The following MAF variants were observed in gnomAD, a reference collection of about 807,000 sequenced individuals.
MAF encodes the protein transcription factor Maf.
MAF carries 10 observed loss-of-function variants against 22.0 expected under a neutral mutation model. The ratio of observed to expected loss-of-function variants is 0.45; its 90% CI spans 0.28 to 0.77. The LOEUF is 0.77. Among genes scored for constraint, MAF ranks in the 30% least tolerant of loss-of-function variants. The pLI is 0.12. For missense variants in MAF, 544 were observed against 548.4 expected (o/e 0.99, Z 0.08); for synonymous variants, 337 against 255.8 (o/e 1.32, Z -3.03).
At chr16:79,280,130 T>G in the MAF span, among the ~76,000 whole-genome samples, 2 of 152,130 alleles carry the variant, frequency 1.3e-5, no homozygotes, top group African/African-American at 2.4e-5. Context: ...GATTTTCAGC[T>G]CTCTTTAAGA....
chr16:79,548,776 T>C, the MAF span, among the ~76,000 whole-genome samples: 2 of 152,088 alleles, frequency 1.3e-5, no homozygotes, highest in Non-Finnish European at 2.9e-5. Context: ...GGCAAGACAC[T>C]ACATAGAAAA....
chr16:79,403,228 C>T, the MAF span, among the ~76,000 whole-genome samples: 1 of 152,146 alleles, frequency 6.6e-6, no homozygotes, highest in African/African-American at 2.4e-5. Context: ...AAATGTATGC[C>T]CATCAAAAGC....
At chr16:79,218,238 TC>T in the MAF span, among the ~76,000 whole-genome samples, 1 of 137,678 alleles carries the variant, frequency 7.3e-6, no homozygotes, top group African/African-American at 2.6e-5. Flanking sequence ...TTTTTTCCCT[TC>T]CCCCCTCAAA....
At chr16:79,403,183 C>T in the MAF span, among the ~76,000 whole-genome samples, 1 of 152,316 alleles carries the variant, frequency 6.6e-6, no homozygotes, top group East Asian at 1.9e-4. Context: ...TCGTTCAATG[C>T]ACCAGACTTT....
chr16:79,306,196 T>G, the MAF span, among the ~76,000 whole-genome samples: 2 of 152,210 alleles, frequency 1.3e-5, no homozygotes, highest in African/African-American at 2.4e-5. Context: ...GGCTATCAGA[T>G]GCAGGACTGC....
the MAF span, among the ~76,000 whole-genome samples, chr16:79,442,952 C>G: frequency 6.6e-6 from 1 of 152,198 alleles, no homozygotes; most frequent in Middle Eastern, 3.4e-3. Context: ...GGTACACCAG[C>G]CAGAAATAAG....
At chr16:79,446,554 A>G in the MAF span, among the ~76,000 whole-genome samples, 30 of 152,292 alleles carry the variant, frequency 2.0e-4, no homozygotes, top group East Asian at 5.2e-3. Flanking sequence ...ATGCTTTACA[A>G]AAGCTAAAGC....
chr16:79,313,198 A>C, the MAF span, among the ~76,000 whole-genome samples: 18 of 152,200 alleles, frequency 1.2e-4, no homozygotes, highest in Non-Finnish European at 2.1e-4. Context: ...GGCACTGGGC[A>C]AGGGCTCAGT....
At chr16:79,552,792 G>A in the MAF span, among the ~76,000 whole-genome samples, 2 of 152,100 alleles carry the variant, frequency 1.3e-5, no homozygotes, top group African/African-American at 4.8e-5. Context: ...TTGTGGTTAT[G>A]TTCACAGTAC....
the MAF span, among the ~76,000 whole-genome samples, chr16:79,231,732 C>T: frequency 0.07 from 10,696 of 152,170 alleles, 570 homozygotes; most frequent in Middle Eastern, 0.15. Context: ...GACAGTTTTT[C>T]TGTGGACCGG....
At chr16:79,274,842 C>T in the MAF span, among the ~76,000 whole-genome samples, 11 of 152,110 alleles carry the variant, frequency 7.2e-5, no homozygotes, top group African/African-American at 2.4e-4. Flanking sequence ...TCTAGACAGT[C>T]CAACATGGTA....
chr16:79,286,582 C>A, the MAF span, among the ~76,000 whole-genome samples: 1 of 152,156 alleles, frequency 6.6e-6, no homozygotes, highest in African/African-American at 2.4e-5. Flanking sequence ...AATAATACTT[C>A]TTTCACTCAC....
At chr16:79,585,465 G>A (rs1009148037), downstream of MAF, among the ~76,000 whole-genome samples, 2 of 152,054 alleles carry the variant, frequency 1.3e-5, no homozygotes, top group African/African-American at 4.8e-5. Context: ...ACCGGCCAAG[G>A]GCGATGGATA....
At chr16:79,364,278 T>A in the MAF span, among the ~76,000 whole-genome samples, 1 of 151,956 alleles carries the variant, frequency 6.6e-6, no homozygotes, top group African/African-American at 2.4e-5. Context: ...GAACTCAAGG[T>A]AGGGAAGGAC....
the MAF span, among the ~76,000 whole-genome samples, chr16:79,578,707 AATAG>A: frequency 6.6e-6 from 1 of 152,198 alleles, no homozygotes; most frequent in African/African-American, 2.4e-5. Context: ...GGTCCTGAGA[AATAG>A]ATAAATAAAT....
At chr16:79,376,981 C>T in the MAF span, among the ~76,000 whole-genome samples, 23 of 152,202 alleles carry the variant, frequency 1.5e-4, no homozygotes, top group East Asian at 5.8e-4. Flanking sequence ...CCACAATAAA[C>T]ATACGTGTGC....
chr16:79,317,235 CCTTT>C, the MAF span, among the ~76,000 whole-genome samples: 2 of 143,558 alleles, frequency 1.4e-5, no homozygotes, highest in Non-Finnish European at 3.1e-5. Flanking sequence ...CTCCCTCCCT[CCTTT>C]CTCTCCTTCC....
downstream of MAF, among the ~76,000 whole-genome samples, chr16:79,590,159 T>C (rs1275896434): frequency 1.3e-5 from 2 of 151,112 alleles, no homozygotes; most frequent in Non-Finnish European, 3.0e-5. Context: ...GCAGAACCCA[T>C]GCATAAAGGA....
chr16:79,240,496 A>G, the MAF span, among the ~76,000 whole-genome samples: 181 of 85,172 alleles, frequency 2.1e-3, no homozygotes, highest in African/African-American at 3.4e-3. Context: ...GGAAAAAAAA[A>G]AAAAAAAAAA....
Sources: allele counts gnomAD v4.1 joint callset (sites outside exome capture counted in the v4.1 genomes callset), GRCh38; gene constraint gnomAD v4.1.1; transcripts MANE v1.5; gene names NCBI Gene and HGNC (gene_info 2026-07-23, HGNC 2026-07-21).